Variants in ZEB1 observed in about 807,000 individuals in gnomAD.
ZEB1 encodes zinc finger E-box binding homeobox 1, also known as zinc finger E-box-binding homeobox 1.
Under a neutral mutation model 84.9 loss-of-function variants are expected in ZEB1, and 21 were observed. The ratio of observed to expected loss-of-function variants is 0.25; its 90% CI spans 0.18 to 0.36. The LOEUF (loss-of-function observed/expected upper bound fraction) is 0.36, where lower values mean the gene tolerates loss of function less well. Among genes scored for constraint, ZEB1 ranks in the 10% least tolerant of loss-of-function variants. ZEB1 has a pLI of 1.00. For missense variants in ZEB1, 1,104 were observed against 1,330.2 expected (o/e 0.83, Z 2.65); for synonymous variants, 420 against 471.1 (o/e 0.89, Z 1.41).
rs189473465 is a variant in ZEB1 at position 31,515,851 on chromosome 10, T to A, written c.793+1143T>A. ...TATGCTATTGAACAATTTTTATCAA[T>A]AATAATATATTTTAACAACCTACCT... On this transcript the variant is annotated intron_variant, in intron 6 of 8. Transcript: ENST00000424869. Among the ~76,000 whole-genome samples the A allele has an allele frequency of 1.7e-4, 26 of 152,200 alleles. No individual in the cohort carries two copies. The East Asian group carries it at 4.8e-3, about 28-fold the overall frequency.
At chr10:31,357,751 A>G (rs980354634) in intron 1 of ZEB1, among the ~76,000 whole-genome samples, 1 of 152,202 alleles carries the variant, frequency 6.6e-6, no homozygotes, top group African/African-American at 2.4e-5. Flanking sequence ...GCTTAAATAA[A>G]AAGAATATTG....
chr10:31,346,371 C>T (rs1009060252), intron 1 of ZEB1, among the ~76,000 whole-genome samples: 2 of 152,038 alleles, frequency 1.3e-5, no homozygotes, highest in South Asian at 2.1e-4. Flanking sequence ...GTTGTTGATA[C>T]GTGGAAACTT....
In ZEB1 at chr10:31,503,083, G is replaced by A. The variant is rs574381581; in HGVS notation, c.484+574G>A. 4.1e-4 allele frequency among the ~76,000 whole-genome samples: 62 copies of A among 152,102 alleles called. 3 individuals are homozygous for A. The South Asian group carries it at 0.012, about 28-fold the overall frequency. Reference sequence around the variant, plus strand: ...AAACTAGGTTATCAAAGAAATGAAAGGGAAATACAAAATTTAAAAATATAT... The same window carrying A: ...AAACTAGGTTATCAAAGAAATGAAAAGGAAATACAAAATTTAAAAATATAT... On this transcript the variant is annotated intron_variant, in intron 4 of 8. Coordinates refer to ENST00000424869, the MANE Select transcript of ZEB1 (RefSeq NM_001174096.2).
At position 31,385,023 on chromosome 10, in the gene ZEB1, TTAAG is replaced by T. The variant is rs201884096; in HGVS notation, c.58+65733_58+65736del. ...TGAAAATAGGAAAATTGTTTTTAAA[TTAAG>T]TGAGTTTTTGTGTACACTTATTTCT... On this transcript the variant is annotated intron_variant, in intron 1 of 8. Transcript: ENST00000424869. Among the ~76,000 whole-genome samples, 1,065 of 152,344 alleles carry T rather than the reference TTAAG, an allele frequency of 7.0e-3. 12 individuals are homozygous for T. The highest frequency in any genetic ancestry group is 0.023 in the African/African-American group (976 of 41,580).
At chr10:31,325,182 G>C (rs1050980005) in intron 1 of ZEB1, among the ~76,000 whole-genome samples, 1 of 151,886 alleles carries the variant, frequency 6.6e-6, no homozygotes, top group African/African-American at 2.4e-5. Context: ...AGTAAAATTT[G>C]CTTTATGATT....
chr10:31,401,823 G>A (rs1246980045), intron 1 of ZEB1, among the ~76,000 whole-genome samples: 1 of 152,092 alleles, frequency 6.6e-6, no homozygotes, highest in African/African-American at 2.4e-5. Flanking sequence ...ACAGTTTGGT[G>A]CAGTCTTACA....
intron 1 of ZEB1, among the ~76,000 whole-genome samples, chr10:31,409,171 A>G (rs2053738142): frequency 6.6e-6 from 1 of 152,230 alleles, no homozygotes; most frequent in African/African-American, 2.4e-5. Flanking sequence ...GCCATCAGAG[A>G]AATGCAAATC....
chr10:31,378,696 T>G (rs1236907222), intron 1 of ZEB1, among the ~76,000 whole-genome samples: 1 of 152,026 alleles, frequency 6.6e-6, no homozygotes, highest in South Asian at 2.1e-4. Flanking sequence ...TATATATCAT[T>G]AAGTAATCAT....
intron 1 of ZEB1, among the ~76,000 whole-genome samples, chr10:31,436,951 ATAT>A (rs1370890664): frequency 6.6e-6 from 1 of 152,074 alleles, no homozygotes; most frequent in African/African-American, 2.4e-5. Flanking sequence ...GCTTTATTGG[ATAT>A]TATTTATTTT....
chr10:31,360,887 T>A, intron 1 of ZEB1: 1 of 1,277,388 alleles, frequency 7.8e-7, no homozygotes, highest in African/African-American at 1.5e-5. Context: ...TACAGTGAGC[T>A]GCAGTAACCT....
chr10:31,372,989 A>G lies in ZEB1; in HGVS notation c.58+53697A>G, dbSNP rs2045977029. On this transcript the variant is annotated intron_variant, in intron 1 of 8. Transcript: ENST00000424869. ...GCTCTTATCAGTTGGTGGGTGTGGG[A>G]ACAACTTAATAAAGTTTGGGTAATT... The G allele has an allele frequency of 5.1e-6, 5 of 985,096 alleles. No homozygotes were observed. In the South Asian group the frequency reaches 1.9e-4, roughly 37 times the overall value. 61.0% of individuals were successfully genotyped at this position (985,096 alleles called of 1,614,324 possible). A position where few individuals can be genotyped will look rare whatever the true frequency, so the allele number is the denominator to read the frequency against.
At position 31,405,169 on chromosome 10, in the gene ZEB1, C is replaced by T. The variant is rs114371443; in HGVS notation, c.59-55868C>T. On this transcript the variant is annotated intron_variant, in intron 1 of 8. Coordinates refer to ENST00000424869, the MANE Select transcript of ZEB1 (RefSeq NM_001174096.2). ...GAATTATTTTTTAAATGATGACTTA[C>T]GGACATTTAAAAAAATGTGGAAAAT... 9.7e-3 allele frequency among the ~76,000 whole-genome samples: 1,470 copies of T among 152,134 alleles called. 15 individuals carry two copies. The highest frequency in any genetic ancestry group is 0.033 in the African/African-American group (1,378 of 41,484).
At position 31,396,299 on chromosome 10, in the gene ZEB1, C is replaced by T. The variant is rs985134850; in HGVS notation, c.59-64738C>T. Reference sequence around the variant, plus strand: ...GTACTCCTACCTTTTGTTACTGGCACGATGGTGGCGATACTCAGAACAAAC... The same window carrying T: ...GTACTCCTACCTTTTGTTACTGGCATGATGGTGGCGATACTCAGAACAAAC... On this transcript the variant is annotated intron_variant, in intron 1 of 8. Transcript: ENST00000424869. Among the ~76,000 whole-genome samples, 5 of 152,208 alleles carry T rather than the reference C, an allele frequency of 3.3e-5. No homozygotes were observed. In the East Asian group the frequency reaches 5.8e-4, roughly 18 times the overall value.
At chr10:31,456,626 T>G (rs191311071) in intron 1 of ZEB1, among the ~76,000 whole-genome samples, 3 of 152,162 alleles carry the variant, frequency 2.0e-5, no homozygotes, top group Non-Finnish European at 4.4e-5. Context: ...TAATGAAGTA[T>G]GTAGGCTGTG....
chr10:31,434,368 A>G (rs1319694393), intron 1 of ZEB1, among the ~76,000 whole-genome samples: 1 of 152,238 alleles, frequency 6.6e-6, no homozygotes, highest in Non-Finnish European at 1.5e-5. Context: ...CAATTTTTAT[A>G]TAACTAGATA....
At chr10:31,500,346 G>T (rs958451652) in intron 3 of ZEB1, among the ~76,000 whole-genome samples, 2 of 151,934 alleles carry the variant, frequency 1.3e-5, no homozygotes, top group African/African-American at 4.8e-5. Flanking sequence ...TATTTGCTTT[G>T]CTCTTATCAG....
At chr10:31,446,668 G>T (rs1468759681) in intron 1 of ZEB1, among the ~76,000 whole-genome samples, 1 of 152,038 alleles carries the variant, frequency 6.6e-6, no homozygotes, top group Non-Finnish European at 1.5e-5. Context: ...ATTTCGTTAG[G>T]TACCCAGTAG....
In ZEB1 at chr10:31,405,177, TA is replaced by T. The variant is rs1285245902; in HGVS notation, c.59-55853del. 2.0e-5 allele frequency among the ~76,000 whole-genome samples: 3 copies of T among 152,216 alleles called. No homozygotes were observed. The East Asian group carries it at 5.8e-4, about 29-fold the overall frequency. Reference sequence around the variant, plus strand: ...TTTTAAATGATGACTTACGGACATTTAAAAAAATGTGGAAAATTAACCTAAT... The same window carrying T: ...TTTTAAATGATGACTTACGGACATTTAAAAAATGTGGAAAATTAACCTAAT... On this transcript the variant is annotated intron_variant, in intron 1 of 8. Transcript: ENST00000424869.
intron 1 of ZEB1, among the ~76,000 whole-genome samples, chr10:31,400,560 G>A (rs1026257378): frequency 3.9e-5 from 6 of 152,058 alleles, no homozygotes; most frequent in African/African-American, 7.2e-5. Context: ...ATTTGAGTAT[G>A]CTATGATGTG....
Sources: allele counts gnomAD v4.1 joint callset (sites outside exome capture counted in the v4.1 genomes callset), GRCh38; gene constraint gnomAD v4.1.1; transcripts MANE v1.5; gene names NCBI Gene and HGNC (gene_info 2026-07-23, HGNC 2026-07-21).